Variants in TLE2 observed in about 807,000 individuals in gnomAD.
TLE2 encodes the protein transducin-like enhancer protein 2.
TLE2 carries 74 observed loss-of-function variants against 97.2 expected under a neutral mutation model. The ratio of observed to expected loss-of-function variants is 0.76; its 90% confidence interval spans 0.63 to 0.92. The LOEUF (loss-of-function observed/expected upper bound fraction) is 0.92, where lower values mean the gene tolerates loss of function less well. TLE2 is among the 40% of genes least tolerant of loss of function. The pLI is 0.00. For synonymous variants in TLE2, 499 were observed against 432.1 expected (o/e 1.15, Z -1.92); for missense variants, 1,038 against 1,008.7 (o/e 1.03, Z -0.39).
At position 3,023,365 on chromosome 19, in the gene TLE2, C is replaced by T. The variant is rs545858270; in HGVS notation, c.294+1655G>A. On this transcript the variant is annotated intron_variant, in intron 5 of 19. Transcript: ENST00000262953. ...TAAACTTCTTGCGGCTCTTGCCTTT[C>T]TCTAGACCACCTCGTCCCCACTTTC... 2.0e-5 allele frequency among the ~76,000 whole-genome samples: 3 copies of T among 152,282 alleles called. No homozygotes were observed. In the East Asian group the frequency reaches 5.8e-4, roughly 29 times the overall value.
At chr19:2,999,726 CAAA>C (rs199521660) in intron 19 of TLE2, among the ~76,000 whole-genome samples, 1 of 112,798 alleles carries the variant, frequency 8.9e-6, no homozygotes, top group Non-Finnish European at 1.7e-5. Context: ...GACTCCATCT[CAAA>C]AAAAAAAAAA....
chr19:3,016,824 G>GC (rs1391857347), intron 8 of TLE2, among the ~76,000 whole-genome samples: 1 of 151,994 alleles, frequency 6.6e-6, no homozygotes, highest in Non-Finnish European at 1.5e-5. Flanking sequence ...TGTCGCCCAA[G>GC]CTGGAGTGCA....
intron 17 of TLE2, among the ~76,000 whole-genome samples, chr19:3,003,023 G>A (rs1375644994): frequency 6.6e-6 from 1 of 152,092 alleles, no homozygotes; most frequent in Non-Finnish European, 1.5e-5. Context: ...ATATTGGGGG[G>A]TGCCCAGCAC....
chr19:3,034,847 T>G (rs1020760658), intron 1 of TLE2, among the ~76,000 whole-genome samples: 1 of 151,892 alleles, frequency 6.6e-6, no homozygotes, highest in African/African-American at 2.4e-5. Context: ...GAGCATCTGG[T>G]GGGGACAGAG....
chr19:3,029,335 C>T, upstream of TLE2: 1 of 170,928 alleles, frequency 5.9e-6, no homozygotes, highest in Non-Finnish European at 1.1e-5. Flanking sequence ...CACGCGCCCG[C>T]GGCCCGCCCC....
chr19:3,045,989 G>A (rs2090138548), upstream of TLE2, among the ~76,000 whole-genome samples: 1 of 152,182 alleles, frequency 6.6e-6, no homozygotes. Context: ...TACCACTCAA[G>A]CACTGCTGGA....
chr19:3,005,166 G>C (rs2089446122), intron 17 of TLE2, among the ~76,000 whole-genome samples: 1 of 152,086 alleles, frequency 6.6e-6, no homozygotes, highest in South Asian at 2.1e-4. Flanking sequence ...CACATATAAG[G>C]GTATGGCTGG....
intron 11 of TLE2, 95 bp from the exon 12 acceptor site, chr19:3,011,255 C>T (rs1484010314): frequency 3.0e-6 from 4 of 1,350,022 alleles, no homozygotes; most frequent in Non-Finnish European, 4.0e-6. Flanking sequence ...CGGCCAGTCG[C>T]AGTGTCTCAC....
At chr19:3,024,934 G>T in intron 5 of TLE2, 86 bp downstream of exon 5, 2 of 1,209,364 alleles carry the variant, frequency 1.7e-6, no homozygotes, top group Non-Finnish European at 2.4e-6. Context: ...CAGAATCAGT[G>T]CCTGGGGCGT....
At chr19:3,041,013 A>ATATATATATT (rs1555695656) in intron 1 of TLE2, among the ~76,000 whole-genome samples, 7 of 28,972 alleles carry the variant, frequency 2.4e-4, no homozygotes, top group Non-Finnish European at 2.9e-4. Flanking sequence ...ATATATATAT[A>ATATATATATT]TTTTTTTTTT....
At chr19:3,031,536 C>T (rs1472863979), upstream of TLE2, among the ~76,000 whole-genome samples, 2 of 152,068 alleles carry the variant, frequency 1.3e-5, no homozygotes, top group African/African-American at 4.8e-5. Context: ...CACTGTGTTG[C>T]CCAGGCTGGT....
rs779298614 is a variant in TLE2, at chr19:3,011,026, G to A, written c.1008C>T (p.Ser336=). Residue 336 remains serine (S), a synonymous_variant, in exon 12 of 20, where the codon AGC becomes AGT. Coordinates refer to ENST00000262953, the MANE Select transcript of TLE2 (RefSeq NM_003260.5). ...LAAKPAPSTD[S]VALRSPLTLS... ...ACCAACAGGCAAGGTGCTCACCGAC[G>A]CTGTCCGTGGAAGGTGCTGGCTTGG... is the stretch of plus-strand genomic sequence containing the variant. 9 of 1,604,678 alleles carry A rather than the reference G, an allele frequency of 5.6e-6. No homozygotes were observed. Among genetic ancestry groups the A allele is most frequent in the Admixed American group, 1.7e-5 (1 of 58,604 alleles).
intron 9 of TLE2, among the ~76,000 whole-genome samples, chr19:3,015,441 C>T (rs952674212): frequency 4.6e-5 from 7 of 152,228 alleles, no homozygotes; most frequent in South Asian, 2.1e-4. Flanking sequence ...AATGGCTGTA[C>T]GGCCAAGAGG....
intron 14 of TLE2, among the ~76,000 whole-genome samples, chr19:3,008,607 C>T (rs555876112): frequency 2.0e-5 from 3 of 152,216 alleles, no homozygotes; most frequent in South Asian, 4.1e-4. Context: ...CCCGCCACCA[C>T]GTCCGGCTAA....
intron 11 of TLE2, among the ~76,000 whole-genome samples, chr19:3,011,519 G>C (rs58210754): frequency 8.3e-6 from 1 of 120,222 alleles, no homozygotes; most frequent in African/African-American, 3.3e-5. Flanking sequence ...GAGACAGAGC[G>C]ACTCCATCTC....
intron 1 of TLE2, among the ~76,000 whole-genome samples, chr19:3,042,108 TG>T (rs919773929): frequency 8.8e-6 from 1 of 114,010 alleles, no homozygotes; most frequent in Non-Finnish European, 1.8e-5. Flanking sequence ...GCAGGGAGCG[TG>T]GGGACCGCCC....
chr19:3,028,771 G>A lies in TLE2; in HGVS notation c.57C>T (p.Phe19=). 1 of 1,612,836 alleles carries A rather than the reference G, an allele frequency of 6.2e-7. No individual in the cohort carries two copies. The highest frequency in any genetic ancestry group is 8.5e-7 in the Non-Finnish European group (1 of 1,179,780). ...TGCGGTCGCAGATCTCCAAGATCGA[G>A]AACTTGAAGGGCTGGCCGGACTGGA... The part of the protein sequence containing the change: ...TPLQSGQPFK[F]SILEICDRIK... Residue 19 remains phenylalanine (F), a synonymous_variant, in exon 2 of 20, where the codon TTC becomes TTT. Transcript: ENST00000262953.
rs749174870 is a variant in TLE2 at position 3,015,022 on chromosome 19, T to TAATA, written c.679-412_679-409dup. ...TGCCAAAGAAAATAAGACTCCACCTTAATAAATAAATAAATAAATAAATAA... is the reference window on the plus strand; with the variant it reads ...TGCCAAAGAAAATAAGACTCCACCTTAATAAATAAATAAATAAATAAATAAATAA... On this transcript the variant is annotated intron_variant, in intron 9 of 19. Coordinates refer to ENST00000262953, the MANE Select transcript of TLE2 (RefSeq NM_003260.5). Among the ~76,000 whole-genome samples the TAATA allele has an allele frequency of 5.7e-3, 531 of 93,440 alleles. 2 individuals carry two copies. The highest frequency in any genetic ancestry group is 0.019 in the African/African-American group (419 of 22,452). 61.3% of individuals were successfully genotyped at this position (93,440 alleles called of 152,430 possible). A position where few individuals can be genotyped will look rare whatever the true frequency, so the allele number is the denominator to read the frequency against.
At chr19:3,020,981 C>G (rs1386812923) in intron 5 of TLE2, among the ~76,000 whole-genome samples, 1 of 149,396 alleles carries the variant, frequency 6.7e-6, no homozygotes, top group East Asian at 2.0e-4. Context: ...ACCAGCTACT[C>G]GTGAGGCTGA....
Sources: allele counts gnomAD v4.1 joint callset (sites outside exome capture counted in the v4.1 genomes callset), GRCh38; gene constraint gnomAD v4.1.1; transcripts MANE v1.5; gene names NCBI Gene and HGNC (gene_info 2026-07-23, HGNC 2026-07-21).